The following COMMD10 variants were observed in gnomAD, a reference collection of about 807,000 sequenced individuals.
COMMD10 encodes the protein COMM domain containing 10, also known as COMM domain-containing protein 10.
Under a neutral mutation model 28.9 loss-of-function variants are expected in COMMD10, and 33 were observed. The ratio of observed to expected loss-of-function variants is 1.14; its 90% confidence interval spans 0.87 to 1.53. The LOEUF (loss-of-function observed/expected upper bound fraction) is 1.53. COMMD10 is among the 40% of genes most tolerant of loss of function. COMMD10 has a pLI of 0.00. For synonymous variants in COMMD10, 110 were observed against 81.7 expected (o/e 1.35, Z -1.87); for missense variants, 310 against 233.4 (o/e 1.33, Z -2.14).
intron 5 of COMMD10, among the ~76,000 whole-genome samples, chr5:116,230,908 A>G (rs1580567011): frequency 6.6e-6 from 1 of 152,108 alleles, no homozygotes; most frequent in South Asian, 2.1e-4. Context: ...CTGATTTCAT[A>G]CTGTCTTCCT....
chr5:116,088,422 ATAC>A (rs1332601158), intron 2 of COMMD10, among the ~76,000 whole-genome samples: 1 of 152,196 alleles, frequency 6.6e-6, no homozygotes, highest in African/African-American at 2.4e-5. Flanking sequence ...CTGCTTCATA[ATAC>A]TATGTAAATT....
At chr5:116,239,774 G>T (rs527888849) in intron 5 of COMMD10, among the ~76,000 whole-genome samples, 1 of 152,274 alleles carries the variant, frequency 6.6e-6, no homozygotes, top group East Asian at 1.9e-4. Context: ...TAAGAGCAGG[G>T]TGCTACATTG....
intron 2 of COMMD10, among the ~76,000 whole-genome samples, chr5:116,089,213 G>C (rs544048732): frequency 9.9e-5 from 15 of 152,272 alleles, no homozygotes; most frequent in African/African-American, 3.6e-4. Context: ...ATGGCAACTT[G>C]AAAACATAGG....
chr5:116,227,528 C>T (rs775108076), intron 5 of COMMD10, among the ~76,000 whole-genome samples: 5 of 152,052 alleles, frequency 3.3e-5, no homozygotes, highest in Admixed American at 6.6e-5. Flanking sequence ...GCTTCAAATT[C>T]CACATTTATG....
In COMMD10 at chr5:116,292,821, TA is replaced by T; in HGVS notation, c.*334del. 1 of 397,694 alleles carries T rather than the reference TA, an allele frequency of 2.5e-6. No homozygotes were observed. Among genetic ancestry groups the T allele is most frequent in the East Asian group, 3.6e-5 (1 of 27,988 alleles). 24.6% of individuals were successfully genotyped at this position (397,694 alleles called of 1,614,324 possible). A position where few individuals can be genotyped will look rare whatever the true frequency, so the allele number is the denominator to read the frequency against. Reference sequence around the variant, plus strand: ...AGTTTTTACTTGCTGGATGATACCATAATGTATCAAGGAGCGTCCATGGATA... The same window carrying T: ...AGTTTTTACTTGCTGGATGATACCATATGTATCAAGGAGCGTCCATGGATA... On this transcript the variant is annotated 3_prime_UTR_variant, in exon 7 of 7. Coordinates refer to ENST00000274458, the MANE Select transcript of COMMD10 (RefSeq NM_016144.4).
intron 5 of COMMD10, among the ~76,000 whole-genome samples, chr5:116,206,274 A>C (rs541031722): frequency 6.6e-6 from 1 of 152,278 alleles, no homozygotes; most frequent in East Asian, 1.9e-4. Flanking sequence ...TTAGAGTTGA[A>C]ACAGCAGTTT....
chr5:116,280,183 C>T (rs191526552), intron 5 of COMMD10, among the ~76,000 whole-genome samples: 1 of 151,992 alleles, frequency 6.6e-6, no homozygotes. Context: ...GTGGTTCTAC[C>T]TACTTCCATT....
intron 5 of COMMD10, among the ~76,000 whole-genome samples, chr5:116,239,016 AT>A (rs150148662): frequency 0.014 from 2,088 of 151,864 alleles, 24 homozygotes; most frequent in Non-Finnish European, 0.018. Flanking sequence ...CAACAAGTTG[AT>A]TTTTTTTTAA....
At chr5:116,197,521 T>C (rs1000507008) in intron 5 of COMMD10, among the ~76,000 whole-genome samples, 1 of 151,966 alleles carries the variant, frequency 6.6e-6, no homozygotes, top group African/African-American at 2.4e-5. Context: ...AGCTGGGACT[T>C]GAGTGCCACC....
At chr5:116,291,609 G>A (rs775239911) in intron 6 of COMMD10, 33 bp downstream of exon 6, 6 of 1,225,716 alleles carry the variant, frequency 4.9e-6, no homozygotes, top group Non-Finnish European at 7.0e-6. Context: ...TCTAATATGT[G>A]GAGTTTTTTT....
Position 116,091,158 on chromosome 5 carries a change from T to G in COMMD10, c.212T>G (p.Val71Gly), listed in dbSNP as rs765250954. 1.5e-5 allele frequency: 24 copies of G among 1,606,158 alleles called. No homozygotes were observed. Among genetic ancestry groups the G allele is most frequent in the Non-Finnish European group, 2.0e-5 (23 of 1,175,158 alleles). Residue 71 changes from valine to glycine, a missense_variant, in exon 3 of 7, where the codon GTT (valine) becomes GGT (glycine). Transcript: ENST00000274458. ...FSLEKQDLHL[V>G]LETISFILEQ... ...CTAGAGAAACAAGATCTTCACCTAG[T>G]TCTTGAAACAATATCATTTATTTTA...
intron 5 of COMMD10, among the ~76,000 whole-genome samples, chr5:116,268,382 A>G (rs987342771): frequency 2.6e-5 from 4 of 151,966 alleles, no homozygotes; most frequent in African/African-American, 9.7e-5. Context: ...AGACAAATGC[A>G]AATCAAAACC....
chr5:116,123,112 G>A (rs543454593), intron 4 of COMMD10, among the ~76,000 whole-genome samples: 2 of 152,058 alleles, frequency 1.3e-5, no homozygotes, highest in African/African-American at 2.4e-5. Context: ...TTGGCTGTGG[G>A]TTTGTCATAA....
rs185283788 is a variant in COMMD10 at position 116,138,585 on chromosome 5, T to C, written c.510+4407T>C. ...TTGTTAATACAGGGATTCCAAATTTTATTTGTGCATCTTTTGAGGAAGGAT... is the reference window on the plus strand; with the variant it reads ...TTGTTAATACAGGGATTCCAAATTTCATTTGTGCATCTTTTGAGGAAGGAT... On this transcript the variant is annotated intron_variant, in intron 5 of 6. Transcript: ENST00000274458. 1.6e-3 allele frequency among the ~76,000 whole-genome samples: 245 copies of C among 151,946 alleles called. 1 individual carries two copies. Among genetic ancestry groups the C allele is most frequent in the African/African-American group, 5.7e-3 (237 of 41,564 alleles).
At chr5:116,222,374 G>A (rs974305018) in intron 5 of COMMD10, among the ~76,000 whole-genome samples, 3 of 152,124 alleles carry the variant, frequency 2.0e-5, no homozygotes, top group African/African-American at 7.2e-5. Context: ...AATCTTTTTA[G>A]TATGAATTAG....
intron 5 of COMMD10, among the ~76,000 whole-genome samples, chr5:116,169,430 T>TACCA (rs1753244254): frequency 4.2e-5 from 6 of 143,112 alleles, no homozygotes; most frequent in East Asian, 2.1e-4. Flanking sequence ...CAAAGAGGAG[T>TACCA]TTCCTTCGGA....
At chr5:116,170,448 C>T (rs1393248275) in intron 5 of COMMD10, among the ~76,000 whole-genome samples, 1 of 152,176 alleles carries the variant, frequency 6.6e-6, no homozygotes, top group Non-Finnish European at 1.5e-5. Flanking sequence ...CCCCATCAAG[C>T]TACCATTGAA....
At chr5:116,091,910 T>G (rs760830997) in intron 3 of COMMD10, among the ~76,000 whole-genome samples, 2 of 152,176 alleles carry the variant, frequency 1.3e-5, no homozygotes, top group Non-Finnish European at 2.9e-5. Context: ...AATGAACATA[T>G]TAGGAGGACA....
At chr5:116,164,096 C>A (rs1035080963) in intron 5 of COMMD10, among the ~76,000 whole-genome samples, 1 of 152,102 alleles carries the variant, frequency 6.6e-6, no homozygotes, top group East Asian at 1.9e-4. Flanking sequence ...GAGGGCGGAT[C>A]ACCTGACGTC....
Sources: allele counts gnomAD v4.1 joint callset (sites outside exome capture counted in the v4.1 genomes callset), GRCh38; gene constraint gnomAD v4.1.1; transcripts MANE v1.5; gene names NCBI Gene and HGNC (gene_info 2026-07-23, HGNC 2026-07-21).